The following TTC7B variants were observed in gnomAD, a reference collection of about 807,000 sequenced individuals.
TTC7B encodes tetratricopeptide repeat domain 7B.
In TTC7B, 28 loss-of-function variants were observed where a neutral mutation model predicts 106.8. The observed-to-expected ratio is 0.26, with a 90% confidence interval of 0.19 to 0.36. The LOEUF (loss-of-function observed/expected upper bound fraction) is 0.36. TTC7B is among the 10% of genes least tolerant of loss of function. The pLI, the probability that TTC7B is intolerant of heterozygous loss-of-function variation, is 1.00. For missense variants in TTC7B, 862 were observed against 1,076.4 expected (o/e 0.80, Z 2.79); for synonymous variants, 405 against 430.6 (o/e 0.94, Z 0.74).
chr14:90,682,935 T>C (rs1566834566), intron 7 of TTC7B, among the ~76,000 whole-genome samples: 1 of 152,202 alleles, frequency 6.6e-6, no homozygotes, highest in Non-Finnish European at 1.5e-5. Flanking sequence ...ATTTTCTGAT[T>C]CTACAGAAGA....
At chr14:90,676,784 G>T in intron 8 of TTC7B, 124 bp from the exon 9 acceptor site, 1 of 960,074 alleles carries the variant, frequency 1.0e-6, no homozygotes, top group Non-Finnish European at 1.5e-6. Flanking sequence ...GTAGGAATGA[G>T]CAGAGGCCTG....
At chr14:90,597,313 G>A (rs1207218239) in intron 17 of TTC7B, among the ~76,000 whole-genome samples, 1 of 152,104 alleles carries the variant, frequency 6.6e-6, no homozygotes, top group Admixed American at 6.6e-5. Context: ...ATTGGAAGGA[G>A]GGGGAAGGAA....
At chr14:90,677,369 A>T (rs1886882701) in intron 8 of TTC7B, among the ~76,000 whole-genome samples, 1 of 152,230 alleles carries the variant, frequency 6.6e-6, no homozygotes, top group Admixed American at 6.5e-5. Flanking sequence ...GAAATACATC[A>T]GGCACATTCA....
intron 19 of TTC7B, among the ~76,000 whole-genome samples, chr14:90,564,415 C>T (rs566187722): frequency 6.6e-6 from 1 of 152,264 alleles, no homozygotes; most frequent in South Asian, 2.1e-4. Context: ...GTCAATTTCG[C>T]ATAATTCTTA....
intron 9 of TTC7B, among the ~76,000 whole-genome samples, chr14:90,674,388 G>A (rs1012142974): frequency 1.3e-5 from 2 of 152,242 alleles, no homozygotes; most frequent in African/African-American, 2.4e-5. Context: ...GACCGTTTTA[G>A]TCGGATGATC....
intron 8 of TTC7B, among the ~76,000 whole-genome samples, chr14:90,679,502 T>A (rs1886967004): frequency 6.6e-6 from 1 of 152,124 alleles, no homozygotes; most frequent in African/African-American, 2.4e-5. Flanking sequence ...GCCCCGGGGG[T>A]TGGCGGTAAG....
At chr14:90,609,082 A>G (rs1218060046) in intron 17 of TTC7B, among the ~76,000 whole-genome samples, 2 of 152,164 alleles carry the variant, frequency 1.3e-5, no homozygotes, top group Non-Finnish European at 2.9e-5. Context: ...CCTCTTTCCT[A>G]CAATGACGGG....
intron 4 of TTC7B, among the ~76,000 whole-genome samples, chr14:90,743,794 G>A (rs1413551558): frequency 6.6e-6 from 1 of 152,108 alleles, no homozygotes; most frequent in Non-Finnish European, 1.5e-5. Context: ...AAAAATCGAG[G>A]CTGAGAGGTG....
intron 19 of TTC7B, chr14:90,567,662 A>G (rs1890854761): frequency 6.6e-6 from 1 of 152,324 alleles, no homozygotes; most frequent in South Asian, 2.1e-4. Context: ...TGAAACCTTC[A>G]AAAGCGATGG....
chr14:90,719,264 A>T (rs1595314531), intron 5 of TTC7B, among the ~76,000 whole-genome samples: 1 of 152,162 alleles, frequency 6.6e-6, no homozygotes, highest in South Asian at 2.1e-4. Flanking sequence ...ACAAAGCAAG[A>T]CCCTGCCTCA....
At chr14:90,643,356 C>T (rs925528520) in intron 15 of TTC7B, among the ~76,000 whole-genome samples, 4 of 151,368 alleles carry the variant, frequency 2.6e-5, no homozygotes, top group South Asian at 4.2e-4. Context: ...TGCAGTGAGC[C>T]GAGACCATGC....
intron 3 of TTC7B, among the ~76,000 whole-genome samples, chr14:90,761,057 CT>C (rs1341689204): frequency 2.6e-5 from 4 of 152,216 alleles, no homozygotes; most frequent in African/African-American, 9.7e-5. Flanking sequence ...TAACCAACCC[CT>C]ATCTTGCCAT....
At chr14:90,754,425 G>C (rs1050558544) in intron 3 of TTC7B, among the ~76,000 whole-genome samples, 2 of 152,224 alleles carry the variant, frequency 1.3e-5, no homozygotes, top group African/African-American at 4.8e-5. Context: ...GTTTAGAACA[G>C]TGCCTGGCAT....
At chr14:90,601,738 C>T (rs1892432752) in intron 17 of TTC7B, among the ~76,000 whole-genome samples, 2 of 152,244 alleles carry the variant, frequency 1.3e-5, no homozygotes, top group Admixed American at 6.5e-5. Flanking sequence ...GCCACCTCCA[C>T]TCTTCTGGTC....
At chr14:90,734,421 CA>C (rs34498613) in intron 4 of TTC7B, among the ~76,000 whole-genome samples, 7,244 of 119,616 alleles carry the variant, frequency 0.061, 182 homozygotes, top group Non-Finnish European at 0.07. Flanking sequence ...CTCTGTCTCC[CA>C]AAAAAAAAAA....
In TTC7B at chr14:90,689,679, G is replaced by T; in HGVS notation, c.811C>A (p.Arg271=). The stretch of plus-strand genomic sequence containing the variant: ...CAGTAGCTCTGCTCACACATACCCC[G>T]CAACAAGATCTCTGCCAGCTGCCTG... ...IARQLAEILL[R]GMCEQSYWNP... The change falls in exon 7 of 20, where the codon CGG becomes AGG. Residue 271 remains arginine, a synonymous_variant. Transcript: ENST00000328459. 1.2e-6 allele frequency: 2 copies of T among 1,614,028 alleles called. No individual in the cohort carries two copies. The highest frequency in any genetic ancestry group is 1.3e-5 in the African/African-American group (1 of 75,016).
intron 9 of TTC7B, chr14:90,675,192 G>A (rs977821501): frequency 6.6e-6 from 1 of 152,292 alleles, no homozygotes; most frequent in Non-Finnish European, 1.5e-5. Context: ...GCTGGGGAAA[G>A]GCAACATTGC....
intron 9 of TTC7B, among the ~76,000 whole-genome samples, chr14:90,659,751 G>A (rs1263925533): frequency 6.6e-6 from 1 of 152,208 alleles, no homozygotes; most frequent in African/African-American, 2.4e-5. Flanking sequence ...GCAAAGAAAA[G>A]ATGGAGATGA....
chr14:90,588,365 C>G (rs1296983132), intron 18 of TTC7B, among the ~76,000 whole-genome samples: 3 of 152,168 alleles, frequency 2.0e-5, no homozygotes, highest in African/African-American at 7.2e-5. Flanking sequence ...AAAGTGAAAG[C>G]TGTAATTATT....
Sources: gnomAD v4.1 joint callset for allele counts (sites outside exome capture counted in the v4.1 genomes callset) on GRCh38, gnomAD v4.1.1 for gene constraint, MANE v1.5 for transcripts, NCBI Gene and HGNC (gene_info 2026-07-23, HGNC 2026-07-21) for gene names.